Variants in WWP2 observed in about 807,000 individuals in gnomAD.
WWP2 encodes the protein NEDD4-like E3 ubiquitin-protein ligase WWP2.
Under a neutral mutation model 121.0 loss-of-function variants are expected in WWP2, and 57 were observed. The ratio of observed to expected loss-of-function variants is 0.47; its 90% CI spans 0.38 to 0.59. WWP2 has a LOEUF of 0.59. Ranked by LOEUF, WWP2 falls within the 20% of genes least tolerant of loss-of-function variation. The pLI is 0.00. For synonymous variants in WWP2, 449 were observed against 441.3 expected (o/e 1.02, Z -0.22); for missense variants, 962 against 1,158.9 (o/e 0.83, Z 2.47).
intron 4 of WWP2, among the ~76,000 whole-genome samples, chr16:69,801,622 A>G (rs888684568): frequency 2.6e-5 from 4 of 152,080 alleles, no homozygotes; most frequent in African/African-American, 4.8e-5. Context: ...ATCACAGCTC[A>G]CTGTAGCCTC....
intron 7 of WWP2, among the ~76,000 whole-genome samples, chr16:69,873,196 C>T (rs1048879017): frequency 3.3e-4 from 51 of 152,340 alleles, no homozygotes; most frequent in African/African-American, 9.4e-4. Context: ...TAAGTGACCT[C>T]TGTGACAAAC....
chr16:69,918,017 A>G, intron 10 of WWP2, 134 bp downstream of exon 10: 1 of 1,161,866 alleles, frequency 8.6e-7, no homozygotes. Context: ...CTGCCCCTGG[A>G]GATTTTACTC....
At position 69,909,573 on chromosome 16, in the gene WWP2, C is replaced by A. The variant is rs191793329; in HGVS notation, c.1004+723C>A. 4.7e-3 allele frequency: 4,640 copies of A among 985,416 alleles called. 13 individuals are homozygous for A. The highest frequency in any genetic ancestry group is 9.8e-3 in the South Asian group (208 of 21,286). 61.0% of individuals were successfully genotyped at this position (985,416 alleles called of 1,614,324 possible). A position where few individuals can be genotyped will look rare whatever the true frequency, so the allele number is the denominator to read the frequency against. On this transcript the variant is annotated intron_variant, in intron 9 of 23. Coordinates refer to ENST00000359154, the MANE Select transcript of WWP2 (RefSeq NM_001270454.2). ...TTAGCTCCAGTTTTCCAGTAGAATGCTTGAGTTTTCCTTTTTTCCGTACCT... is the reference window on the plus strand; with the variant it reads ...TTAGCTCCAGTTTTCCAGTAGAATGATTGAGTTTTCCTTTTTTCCGTACCT...
At chr16:69,877,934 A>G (rs1174232831) in intron 7 of WWP2, among the ~76,000 whole-genome samples, 1 of 151,984 alleles carries the variant, frequency 6.6e-6, no homozygotes, top group Non-Finnish European at 1.5e-5. Flanking sequence ...CAGCCCCCCC[A>G]GTAGCTGGGA....
At chr16:69,791,239 T>G (rs2055903663) in intron 2 of WWP2, among the ~76,000 whole-genome samples, 1 of 152,010 alleles carries the variant, frequency 6.6e-6, no homozygotes, top group South Asian at 2.1e-4. Flanking sequence ...TTTCTTTTTT[T>G]TTTTTTGAGA....
intron 1 of WWP2, among the ~76,000 whole-genome samples, chr16:69,763,731 T>C (rs2038667921): frequency 6.6e-6 from 1 of 152,244 alleles, no homozygotes; most frequent in Non-Finnish European, 1.5e-5. Flanking sequence ...TTGCAAATCC[T>C]TCAAGGGCAG....
chr16:69,806,145 G>T (rs2056269931), intron 4 of WWP2, among the ~76,000 whole-genome samples: 1 of 152,190 alleles, frequency 6.6e-6, no homozygotes, highest in African/African-American at 2.4e-5. Flanking sequence ...AGGCTGCAGT[G>T]AGCTATGATT....
intron 1 of WWP2, among the ~76,000 whole-genome samples, chr16:69,775,818 A>G (rs1353878095): frequency 6.6e-6 from 1 of 152,152 alleles, no homozygotes; most frequent in Non-Finnish European, 1.5e-5. Context: ...GACATGATGT[A>G]TTAGGTAATA....
chr16:69,934,087 C>T lies in WWP2; in HGVS notation c.1800C>T (p.Asp600=). ...ACCCCGCCTCCTCCATCAACCCGGA[C>T]CACCTCACCTACTTTCGCTTTATAG... ...QINPASSINP[D]HLTYFRFIGR... Residue 600 remains aspartate, a synonymous_variant, in exon 17 of 24, where the codon GAC becomes GAT. Coordinates refer to ENST00000359154, the MANE Select transcript of WWP2 (RefSeq NM_001270454.2). 1.9e-6 allele frequency: 3 copies of T among 1,614,210 alleles called. No individual in the cohort carries two copies. Among genetic ancestry groups the T allele is most frequent in the Non-Finnish European group, 8.5e-7 (1 of 1,180,028 alleles).
intron 7 of WWP2, among the ~76,000 whole-genome samples, chr16:69,883,036 C>A (rs2057858567): frequency 1.3e-5 from 2 of 151,912 alleles, no homozygotes; most frequent in South Asian, 4.2e-4. Context: ...GCTTGTAATC[C>A]CAGCTACTTG....
rs377349940 is a variant in WWP2, at chr16:69,937,443, C to A, written c.2239-105C>A. The A allele has an allele frequency of 2.9e-6, 4 of 1,391,594 alleles. No individual in the cohort carries two copies. In the South Asian group the frequency reaches 5.1e-5, roughly 18 times the overall value. The allele number at this position is 1,391,594 out of a possible 1,614,324, so 86.2% of individuals were successfully genotyped here. ...ATTACCCATATTATTAACGCTGACA[C>A]CAAAAATAGCTAGTTGAATATGTTT... On this transcript the variant is annotated intron_variant, in intron 20 of 23. Transcript: ENST00000359154. This position sits in a 1 kb window ranked among gnomAD's most constrained non-coding sequence, Gnocchi z 6.6.
intron 1 of WWP2, among the ~76,000 whole-genome samples, chr16:69,785,729 C>T (rs905959109): frequency 5.3e-5 from 8 of 151,476 alleles, no homozygotes; most frequent in East Asian, 1.9e-4. Context: ...CGAGTTCAAG[C>T]GATTCTCCTG....
At chr16:69,934,952 G>A (rs1450083542) in intron 17 of WWP2, among the ~76,000 whole-genome samples, 1 of 152,194 alleles carries the variant, frequency 6.6e-6, no homozygotes, top group African/African-American at 2.4e-5. Context: ...GCAGGGTGTA[G>A]GGACATCTGT....
chr16:69,912,572 T>C (rs1313887492), intron 9 of WWP2, among the ~76,000 whole-genome samples: 6 of 151,704 alleles, frequency 4.0e-5, no homozygotes, highest in Admixed American at 2.6e-4. Context: ...GGTAGTTTTG[T>C]TTGTTTGTTT....
chr16:69,834,514 TA>T (rs1004371996), intron 4 of WWP2, among the ~76,000 whole-genome samples: 1 of 151,186 alleles, frequency 6.6e-6, no homozygotes, highest in Non-Finnish European at 1.5e-5. Context: ...TTTATTTCAT[TA>T]AAAAATTTTT....
intron 4 of WWP2, among the ~76,000 whole-genome samples, chr16:69,821,061 G>T (rs866129252): frequency 3.9e-5 from 6 of 152,232 alleles, no homozygotes; most frequent in African/African-American, 1.4e-4. Context: ...TGCCCTGATC[G>T]AGTTGCAGTT....
intron 4 of WWP2, among the ~76,000 whole-genome samples, chr16:69,834,595 C>T (rs1371516715): frequency 6.7e-6 from 1 of 149,302 alleles, no homozygotes; most frequent in African/African-American, 2.5e-5. Flanking sequence ...GGTGCAATCT[C>T]GGCTCACTGC....
intron 6 of WWP2, among the ~76,000 whole-genome samples, chr16:69,863,948 C>G (rs2057473169): frequency 6.6e-6 from 1 of 152,200 alleles, no homozygotes; most frequent in Non-Finnish European, 1.5e-5. Context: ...CACAGTTGGT[C>G]TACTCATTCA....
intron 4 of WWP2, among the ~76,000 whole-genome samples, chr16:69,830,634 G>A (rs528895880): frequency 2.6e-4 from 39 of 152,220 alleles, no homozygotes; most frequent in Admixed American, 2.4e-3. Context: ...TGAGTGTTGG[G>A]GGGCCGCGGG....
Sources: allele counts gnomAD v4.1 joint callset (sites outside exome capture counted in the v4.1 genomes callset), GRCh38; gene constraint gnomAD v4.1.1; non-coding constraint Gnocchi (gnomAD v3.1); transcripts MANE v1.5; gene names NCBI Gene and HGNC (gene_info 2026-07-23, HGNC 2026-07-21).